Variants in SYCP2L observed in about 807,000 individuals in gnomAD.
SYCP2L encodes the protein synaptonemal complex protein 2-like.
In SYCP2L, 98 loss-of-function variants were observed where a neutral mutation model predicts 125.8. The ratio of observed to expected loss-of-function variants is 0.78; its 90% CI spans 0.66 to 0.92. SYCP2L has a LOEUF of 0.92. Among genes scored for constraint, SYCP2L ranks in the 40% least tolerant of loss-of-function variants. The pLI is 0.00. For missense variants in SYCP2L, 842 were observed against 936.4 expected (o/e 0.90, Z 1.32); for synonymous variants, 317 against 325.4 (o/e 0.97, Z 0.28).
Position 10,954,964 on chromosome 6 carries a change from G to C in SYCP2L, c.1955-152G>C. 1 of 609,196 alleles carries C rather than the reference G, an allele frequency of 1.6e-6. No homozygotes were observed. Among genetic ancestry groups the C allele is most frequent in the South Asian group, 1.9e-5 (1 of 51,638 alleles). 37.7% of individuals were successfully genotyped at this position (609,196 alleles called of 1,614,324 possible). On this transcript the variant is annotated intron_variant, in intron 23 of 29. Transcript: ENST00000283141. The surrounding 1 kb of genome is among the most constrained non-coding windows in gnomAD (Gnocchi z 4.8). ...CAGTAGACATCGTGCTTCGATACTTGGTTTGTGCCTAGTCGATGCACCGAA... is the reference window on the plus strand; with the variant it reads ...CAGTAGACATCGTGCTTCGATACTTCGTTTGTGCCTAGTCGATGCACCGAA...
intron 5 of SYCP2L, 135 bp downstream of exon 5, chr6:10,898,250 C>T (rs1780294089): frequency 3.0e-6 from 2 of 661,854 alleles, no homozygotes; most frequent in Non-Finnish European, 5.1e-6. Flanking sequence ...CGTGATGGTT[C>T]ACACCTGTAA....
Position 10,929,662 on chromosome 6 carries a change from C to T in SYCP2L, c.1489-708C>T, listed in dbSNP as rs143253689. Among the ~76,000 whole-genome samples the T allele has an allele frequency of 6.9e-3, 1,055 of 152,164 alleles. 17 individuals are homozygous for T. The highest frequency in any genetic ancestry group is 0.024 in the African/African-American group (1,007 of 41,512). On this transcript the variant is annotated intron_variant, in intron 18 of 29. Coordinates refer to ENST00000283141, the MANE Select transcript of SYCP2L (RefSeq NM_001040274.3). Reference sequence around the variant, plus strand: ...AGAAATTACCCTCCTGGGCTGGGTGCGGTGGCTCACACCCGTAATCCCAGC... The same window carrying T: ...AGAAATTACCCTCCTGGGCTGGGTGTGGTGGCTCACACCCGTAATCCCAGC...
intron 8 of SYCP2L, among the ~76,000 whole-genome samples, chr6:10,903,342 A>T (rs1262302008): frequency 6.6e-6 from 1 of 152,118 alleles, no homozygotes; most frequent in Admixed American, 6.6e-5. Flanking sequence ...AGGTCAGGAG[A>T]TCGAGACCAT....
At chr6:10,902,506 C>A (rs544058497) in intron 6 of SYCP2L, among the ~76,000 whole-genome samples, 171 bp from the exon 7 acceptor site, 1 of 152,170 alleles carries the variant, frequency 6.6e-6, no homozygotes, top group East Asian at 1.9e-4. Flanking sequence ...TGCTCACAAC[C>A]CTTAATACCA....
At chr6:10,956,562 AC>A (rs900378622) in intron 25 of SYCP2L, among the ~76,000 whole-genome samples, 2 of 151,942 alleles carry the variant, frequency 1.3e-5, no homozygotes, top group East Asian at 1.9e-4. Context: ...TATTCCTACC[AC>A]CCCCCAAGAA....
chr6:10,930,126 T>C (rs933483420), intron 18 of SYCP2L: 4 of 321,086 alleles, frequency 1.2e-5, no homozygotes, highest in African/African-American at 8.6e-5. Flanking sequence ...CACCATCTCT[T>C]CTGTTGCAAA....
At chr6:10,914,463 C>A (rs1252928913) in intron 14 of SYCP2L, among the ~76,000 whole-genome samples, 1 of 152,042 alleles carries the variant, frequency 6.6e-6, no homozygotes, top group Admixed American at 6.6e-5. Flanking sequence ...GTTCTTTTTG[C>A]TTAGTCTTGC....
chr6:10,966,139 T>TAAC (rs1192012629), intron 29 of SYCP2L, among the ~76,000 whole-genome samples: 1 of 148,152 alleles, frequency 6.7e-6, no homozygotes, highest in Non-Finnish European at 1.5e-5. Flanking sequence ...ACAACAACAA[T>TAAC]AACAACAACA....
Position 10,935,168 on chromosome 6 carries a change from A to G in SYCP2L, c.1794A>G (p.Glu598=). Residue 598 remains glutamate, a synonymous_variant, in exon 21 of 30, where the codon GAA becomes GAG. Transcript: ENST00000283141. The part of the protein sequence containing the change: ...FQDSFAFLTA[E]DSAQKTELQD... Reference sequence around the variant, plus strand: ...ATAGTTTTGCTTTTTTGACTGCTGAAGATTCTGCCCAGAAAACAGGTACAT... The same window carrying G: ...ATAGTTTTGCTTTTTTGACTGCTGAGGATTCTGCCCAGAAAACAGGTACAT... The G allele has an allele frequency of 6.2e-7, 1 of 1,612,756 alleles. No individual in the cohort carries two copies. Among genetic ancestry groups the G allele is most frequent in the Non-Finnish European group, 8.5e-7 (1 of 1,179,592 alleles).
Position 10,903,319 on chromosome 6 carries a change from C to T in SYCP2L, c.641+356C>T, listed in dbSNP as rs193115146. ...ATCCCAGCGCTTTGGGAGGCCAAGG[C>T]GGGTGGATCACGAGGTCAGGAGATC... On this transcript the variant is annotated intron_variant, in intron 8 of 29. Transcript: ENST00000283141. Among the ~76,000 whole-genome samples, 298 of 152,188 alleles carry T rather than the reference C, an allele frequency of 2.0e-3. 1 individual carries two copies. Among genetic ancestry groups the T allele is most frequent in the African/African-American group, 6.6e-3 (273 of 41,528 alleles).
intron 29 of SYCP2L, among the ~76,000 whole-genome samples, chr6:10,968,739 G>A (rs1420983276): frequency 1.3e-5 from 2 of 152,152 alleles, no homozygotes; most frequent in Non-Finnish European, 2.9e-5. Flanking sequence ...GGAGATGTAC[G>A]CACAGCATCA....
chr6:10,959,667 C>T (rs759251928), intron 26 of SYCP2L, among the ~76,000 whole-genome samples: 6 of 151,116 alleles, frequency 4.0e-5, no homozygotes, highest in African/African-American at 4.9e-5. Context: ...GTCGGGAGTT[C>T]GAGACCAGCC....
chr6:10,952,964 GTTTCT>G (rs1781437949), intron 23 of SYCP2L, among the ~76,000 whole-genome samples: 1 of 152,082 alleles, frequency 6.6e-6, no homozygotes, highest in South Asian at 2.1e-4. Flanking sequence ...TTCTTAATGT[GTTTCT>G]TTTCTTTTTT....
At chr6:10,891,670 T>G (rs1780178396) in intron 2 of SYCP2L, 89 bp downstream of exon 2, 1 of 815,556 alleles carries the variant, frequency 1.2e-6, no homozygotes, top group East Asian at 2.8e-5. Context: ...TGTGTATGTG[T>G]ATATGAGTGT....
chr6:10,888,296 C>A lies in SYCP2L; in HGVS notation c.9+1161C>A, dbSNP rs1177984785. Among the ~76,000 whole-genome samples the A allele has an allele frequency of 2.6e-5, 4 of 151,778 alleles. No homozygotes were observed. In the East Asian group the frequency reaches 7.7e-4, roughly 29 times the overall value. On this transcript the variant is annotated intron_variant, in intron 1 of 29. Coordinates refer to ENST00000283141, the MANE Select transcript of SYCP2L (RefSeq NM_001040274.3). ...ATTTCTAGTAGAGACGGGGTTTCACCATGTTGGCCAGGATGGTCTCTGTCT... is the reference window on the plus strand; with the variant it reads ...ATTTCTAGTAGAGACGGGGTTTCACAATGTTGGCCAGGATGGTCTCTGTCT...
intron 14 of SYCP2L, among the ~76,000 whole-genome samples, chr6:10,918,813 C>T (rs377135078): frequency 8.5e-5 from 13 of 152,176 alleles, no homozygotes; most frequent in Non-Finnish European, 1.5e-4. Context: ...GGATTACAGG[C>T]GTGAGCTACC....
chr6:10,948,360 T>A (rs1017322167), intron 23 of SYCP2L, among the ~76,000 whole-genome samples: 1 of 152,130 alleles, frequency 6.6e-6, no homozygotes, highest in African/African-American at 2.4e-5. Flanking sequence ...ACCCCTTGAT[T>A]CCTGGTAACC....
intron 21 of SYCP2L, among the ~76,000 whole-genome samples, chr6:10,938,809 ACTGT>A (rs1408178629): frequency 6.6e-6 from 1 of 152,178 alleles, no homozygotes; most frequent in Non-Finnish European, 1.5e-5. Flanking sequence ...CTAACAGTAA[ACTGT>A]CTAAGAAAGA....
chr6:10,928,362 A>G (rs781510935), intron 17 of SYCP2L, 41 bp from the exon 18 acceptor site: 5 of 966,326 alleles, frequency 5.2e-6, no homozygotes, highest in Non-Finnish European at 8.0e-6. Context: ...GAACTAATAA[A>G]TGTCTATGAA....
Sources: gnomAD v4.1 joint callset for allele counts (sites outside exome capture counted in the v4.1 genomes callset) on GRCh38, gnomAD v4.1.1 for gene constraint, Gnocchi (gnomAD v3.1) non-coding constraint, MANE v1.5 for transcripts, NCBI Gene and HGNC (gene_info 2026-07-23, HGNC 2026-07-21) for gene names.